The following FAM193A variants were observed in gnomAD, a reference collection of about 807,000 sequenced individuals.
FAM193A encodes the protein protein FAM193A.
In FAM193A, 22 loss-of-function variants were observed where a neutral mutation model predicts 126.5. The observed-to-expected ratio is 0.17, with a 90% CI of 0.12 to 0.25. The LOEUF is 0.25. Among genes scored for constraint, FAM193A ranks in the 10% least tolerant of loss-of-function variants. FAM193A has a pLI of 1.00. For synonymous variants in FAM193A, 761 were observed against 646.8 expected, an observed-to-expected ratio of 1.18 and a Z score of -2.68; for missense variants, 1,675 against 1,672.8, an observed-to-expected ratio of 1.00 and a Z score of -0.02.
chr4:2,632,889 A>G (rs949124466), intron 5 of FAM193A, among the ~76,000 whole-genome samples: 1 of 152,170 alleles, frequency 6.6e-6, no homozygotes, highest in African/African-American at 2.4e-5. Context: ...ACACTGGCTC[A>G]GGTTAAGAAG....
At chr4:2,627,610 C>G (rs530242263) in intron 4 of FAM193A, among the ~76,000 whole-genome samples, 34 of 132,050 alleles carry the variant, frequency 2.6e-4, no homozygotes, top group African/African-American at 9.0e-4. Flanking sequence ...TGGAGTCTCA[C>G]TCTGTCGCCC....
chr4:2,700,969 TA>T (rs1717661673), intron 19 of FAM193A, among the ~76,000 whole-genome samples: 1 of 150,524 alleles, frequency 6.6e-6, no homozygotes, highest in Non-Finnish European at 1.5e-5. Context: ...TCTCAAAAAA[TA>T]CATATAGAGA....
chr4:2,696,531 T>C lies in FAM193A; in HGVS notation c.3445T>C (p.Ser1149Pro). ...GGATTTGTTGCAGTTTATAAATAGCTCCGAAACCAAACCAGTGAGCAGCAC... is the reference window on the plus strand; with the variant it reads ...GGATTTGTTGCAGTTTATAAATAGCCCCGAAACCAAACCAGTGAGCAGCAC... Reference protein sequence around the residue: ...VEDLLQFINSSETKPVSSTRA... With the variant: ...VEDLLQFINSPETKPVSSTRA... The change falls in exon 18 of 21, where the codon TCC becomes CCC. Residue 1149 changes from serine to proline, a missense_variant. Physicochemically the swap from Ser to Pro is moderately conservative, Grantham distance 74. This residue lies in a region of FAM193A where 415 missense variants were observed against 396.7 expected (regional missense o/e 1.05). Coordinates refer to ENST00000637812, the MANE Select transcript of FAM193A (RefSeq NM_001366318.2). The C allele has an allele frequency of 1.9e-6, 3 of 1,614,152 alleles. No homozygotes were observed. The highest frequency in any genetic ancestry group is 2.5e-6 in the Non-Finnish European group (3 of 1,180,038).
At chr4:2,622,959 A>G (rs1742643969) in intron 2 of FAM193A, among the ~76,000 whole-genome samples, 1 of 152,160 alleles carries the variant, frequency 6.6e-6, no homozygotes, top group Non-Finnish European at 1.5e-5. Flanking sequence ...AGACCTTGGT[A>G]GGGACTTCGT....
rs771675418 is a variant in FAM193A at position 2,626,418 on chromosome 4, C to T, written c.644C>T (p.Ser215Leu). 3 of 698,924 alleles carry T rather than the reference C, an allele frequency of 4.3e-6. No individual in the cohort carries two copies. The highest frequency in any genetic ancestry group is 2.7e-5 in the East Asian group (1 of 37,150). 43.3% of individuals were successfully genotyped at this position (698,924 alleles called of 1,614,324 possible). A position where few individuals can be genotyped will look rare whatever the true frequency, so the allele number is the denominator to read the frequency against. ...CCTGTGTTGTCTCACAGAGAAATTT[C>T]GGCAGAGGCGGACCGGGAACCTCAG... ...CEACSERREI[S>L]AEADREPQQL... Residue 215 changes from serine to leucine, a missense_variant, in exon 4 of 21, where the codon TCG (serine) becomes TTG (leucine). Physicochemically the swap from Ser to Leu is moderately radical, Grantham distance 145 (BLOSUM62 -2). Around this residue, in one of 4 missense-constraint regions of FAM193A, gnomAD observed 1,186 missense variants for 1,109.2 expected, o/e 1.07. Coordinates refer to ENST00000637812, the MANE Select transcript of FAM193A (RefSeq NM_001366318.2).
intron 12 of FAM193A, among the ~76,000 whole-genome samples, chr4:2,666,543 A>G (rs1713137776): frequency 6.6e-6 from 1 of 152,200 alleles, no homozygotes; most frequent in Admixed American, 6.5e-5. Context: ...TGAGTTAGGA[A>G]ATGTTTTTTT....
intron 7 of FAM193A, among the ~76,000 whole-genome samples, chr4:2,651,936 A>G (rs1427840606): frequency 3.3e-5 from 5 of 152,240 alleles, no homozygotes; most frequent in East Asian, 1.9e-4. Context: ...AGTCCCTTGC[A>G]AGGGTCGTTC....
intron 2 of FAM193A, among the ~76,000 whole-genome samples, chr4:2,601,295 C>G (rs565879988): frequency 1.5e-5 from 2 of 136,172 alleles, no homozygotes; most frequent in Non-Finnish European, 3.0e-5. Flanking sequence ...TGCAGTGGTG[C>G]GATCTCAGCT....
At chr4:2,690,064 A>G (rs1261238191) in intron 14 of FAM193A, among the ~76,000 whole-genome samples, 4 of 152,196 alleles carry the variant, frequency 2.6e-5, no homozygotes, top group African/African-American at 9.6e-5. Context: ...CCCGGTGCAC[A>G]GGGGCAGGAA....
intron 18 of FAM193A, 37 bp downstream of exon 18, chr4:2,696,630 C>G (rs968487320): frequency 6.5e-7 from 1 of 1,546,166 alleles, no homozygotes; most frequent in African/African-American, 1.4e-5. Flanking sequence ...GGCGCCAGGT[C>G]TGAGGGCATT....
chr4:2,677,847 T>G (rs1395558337), intron 13 of FAM193A, among the ~76,000 whole-genome samples: 1 of 152,232 alleles, frequency 6.6e-6, no homozygotes, highest in Non-Finnish European at 1.5e-5. Flanking sequence ...ATTGGCATTT[T>G]GATGGGGACT....
At chr4:2,646,897 C>T in intron 7 of FAM193A, 65 bp downstream of exon 7, 1 of 1,501,098 alleles carries the variant, frequency 6.7e-7, no homozygotes, top group Non-Finnish European at 9.0e-7. Context: ...GAAGGCAGCA[C>T]CAAGTCACTA....
At chr4:2,697,569 T>C (rs1335902660) in intron 18 of FAM193A, among the ~76,000 whole-genome samples, 2 of 152,192 alleles carry the variant, frequency 1.3e-5, no homozygotes, top group Non-Finnish European at 2.9e-5. Context: ...GGTTTCTGTC[T>C]GCAGCATGGT....
intron 2 of FAM193A, among the ~76,000 whole-genome samples, chr4:2,604,791 CTTTTTTTTT>C (rs869148370): frequency 1.0e-4 from 10 of 99,636 alleles, no homozygotes; most frequent in South Asian, 3.1e-4. Context: ...TTTCTTTTTC[CTTTTTTTTT>C]TTTTTTTTTT....
At chr4:2,709,399 C>A (rs184542143) in intron 19 of FAM193A, among the ~76,000 whole-genome samples, 2 of 152,052 alleles carry the variant, frequency 1.3e-5, no homozygotes, top group East Asian at 3.9e-4. Flanking sequence ...ATTATACTTG[C>A]CTCATAAAAA....
At chr4:2,663,343 C>T in intron 12 of FAM193A, 55 bp downstream of exon 12, 1 of 1,389,238 alleles carries the variant, frequency 7.2e-7, no homozygotes, top group Admixed American at 2.5e-5. Flanking sequence ...TGTATTTTCT[C>T]TAAACATGAG....
intron 5 of FAM193A, among the ~76,000 whole-genome samples, chr4:2,636,192 T>C (rs1342556586): frequency 1.3e-5 from 2 of 151,792 alleles, no homozygotes; most frequent in Middle Eastern, 6.3e-3. Flanking sequence ...GCCTCCCGAG[T>C]AGCTGGAACT....
At chr4:2,703,413 A>C (rs1717958103) in intron 19 of FAM193A, among the ~76,000 whole-genome samples, 1 of 151,892 alleles carries the variant, frequency 6.6e-6, no homozygotes, top group Non-Finnish European at 1.5e-5. Flanking sequence ...TACCCAGCTA[A>C]TTTTTGTATT....
chr4:2,589,056 G>T (rs369986904), intron 1 of FAM193A, among the ~76,000 whole-genome samples: 11 of 152,294 alleles, frequency 7.2e-5, no homozygotes, highest in African/African-American at 2.2e-4. Context: ...TATGAAACTT[G>T]CCCTGGCATC....
Sources: gnomAD v4.1 joint callset for allele counts (sites outside exome capture counted in the v4.1 genomes callset) on GRCh38, gnomAD v4.1.1 for gene constraint, gnomAD v4.1.1 regional missense constraint, MANE v1.5 for transcripts, NCBI Gene and HGNC (gene_info 2026-07-23, HGNC 2026-07-21) for gene names.